FKBP15: variants seen among roughly 807,000 people sequenced by gnomAD.
The protein encoded by FKBP15 is FK506-binding protein 15.
In FKBP15, 106 loss-of-function variants were observed where a neutral mutation model predicts 158.1. The observed-to-expected ratio is 0.67, with a 90% confidence interval of 0.57 to 0.79. The LOEUF is 0.79. FKBP15 is among the 30% of genes least tolerant of loss of function. FKBP15 has a pLI of 0.00. For missense variants in FKBP15, 1,287 were observed against 1,479.1 expected (o/e 0.87, Z 2.13); for synonymous variants, 547 against 548.6 (o/e 1.00, Z 0.04).
At chr9:113,206,174 G>A (rs964159594) in intron 4 of FKBP15, 8 of 269,042 alleles carry the variant, frequency 3.0e-5, no homozygotes, top group African/African-American at 1.8e-4. Context: ...ATATACATAT[G>A]TATGTGTATA....
chr9:113,184,810 C>G lies in FKBP15; in HGVS notation c.1499-6G>C. ...TGAAGCCATATCACCTGATCCTAAA[C>G]AGATACAAGCCAAAAAGAAACTTAT... is the stretch of plus-strand genomic sequence containing the variant. On this transcript the variant is annotated splice_region_variant and splice_polypyrimidine_tract_variant and intron_variant, in intron 15 of 27. Coordinates refer to ENST00000238256, the MANE Select transcript of FKBP15 (RefSeq NM_015258.2). This position sits in a 1 kb window ranked among gnomAD's most constrained non-coding sequence, Gnocchi z 4.5. 1 of 1,582,194 alleles carries G rather than the reference C, an allele frequency of 6.3e-7. No homozygotes were observed. Among genetic ancestry groups the G allele is most frequent in the Non-Finnish European group, 8.6e-7 (1 of 1,162,664 alleles).
chr9:113,190,570 A>C lies in FKBP15; in HGVS notation c.1074T>G (p.Asp358Glu). ...SEQLAINTSPDAVKAKLISRM... is the reference protein window; with the variant it reads ...SEQLAINTSPEAVKAKLISRM... ...GAGAGATCAACTTGGCTTTGACTGC[A>C]TCGGGACTCTAAAAAGAGAGGAAAG... The change falls in exon 12 of 28, where the codon GAT becomes GAG. Residue 358 changes from aspartate (D) to glutamate (E), a missense_variant. Asp to Glu is a conservative substitution (Grantham distance 45). Transcript: ENST00000238256. 6.2e-7 allele frequency: 1 copy of C among 1,608,686 alleles called. No individual in the cohort carries two copies. The highest frequency in any genetic ancestry group is 2.2e-5 in the East Asian group (1 of 44,750).
chr9:113,174,550 C>G lies in FKBP15; in HGVS notation c.2257G>C (p.Glu753Gln). 1 of 1,613,996 alleles carries G rather than the reference C, an allele frequency of 6.2e-7. No individual in the cohort carries two copies. The highest frequency in any genetic ancestry group is 1.1e-5 in the South Asian group (1 of 91,078). Reference protein sequence around the residue: ...LSERKKKSAQERSQAEEEIDE... With the variant: ...LSERKKKSAQQRSQAEEEIDE... ...ATCTCCTCCTCGGCCTGAGAACGCT[C>G]TTGAGCTGACTTCTTTTTCCTTTCT... Residue 753 changes from glutamate (E) to glutamine (Q), a missense_variant, in exon 22 of 28, where the codon GAG becomes CAG. Glu to Gln is a conservative substitution (Grantham distance 29, BLOSUM62 2). Coordinates refer to ENST00000238256, the MANE Select transcript of FKBP15 (RefSeq NM_015258.2).
In FKBP15 at chr9:113,186,560, C is replaced by T. The variant is rs565156859; in HGVS notation, c.1384-197G>A. Reference sequence around the variant, plus strand: ...GTTATCTATGTATCCCAGGGGAAACCAGTCACTAAAATCCTACCCAGAAAC... The same window carrying T: ...GTTATCTATGTATCCCAGGGGAAACTAGTCACTAAAATCCTACCCAGAAAC... On this transcript the variant is annotated intron_variant, in intron 14 of 27. Transcript: ENST00000238256. The T allele has an allele frequency of 4.0e-4, 218 of 541,928 alleles. 6 individuals carry two copies. The South Asian group carries it at 5.3e-3, about 13-fold the overall frequency. The allele number at this position is 541,928 out of a possible 1,614,324, so 33.6% of individuals were successfully genotyped here.
intron 1 of FKBP15, among the ~76,000 whole-genome samples, chr9:113,216,422 C>T (rs1447023944): frequency 6.6e-6 from 1 of 152,220 alleles, no homozygotes; most frequent in East Asian, 1.9e-4. Context: ...TGTAAATAGG[C>T]CAGAAATGCC....
intron 8 of FKBP15, among the ~76,000 whole-genome samples, chr9:113,197,331 A>G (rs934733361): frequency 6.6e-6 from 1 of 152,174 alleles, no homozygotes; most frequent in Non-Finnish European, 1.5e-5. Flanking sequence ...AATGGGAGGA[A>G]TAAAAGAACA....
rs188970785 is a variant in FKBP15, at chr9:113,207,129, A to C, written c.254+83T>G. ...AAGGGCTAAATAACCGTTTTGCAAC[A>C]AACAGAGGTTTTTCGAGAAAAAGTA... On this transcript the variant is annotated intron_variant, in intron 3 of 27. Coordinates refer to ENST00000238256, the MANE Select transcript of FKBP15 (RefSeq NM_015258.2). 1,354 of 1,095,646 alleles carry C rather than the reference A, an allele frequency of 1.2e-3. 11 individuals carry two copies. In the African/African-American group the frequency reaches 0.023, roughly 19 times the overall value. 67.9% of individuals were successfully genotyped at this position (1,095,646 alleles called of 1,614,324 possible). A position where few individuals can be genotyped will look rare whatever the true frequency, so the allele number is the denominator to read the frequency against.
At chr9:113,175,607 TATAA>T (rs1229674723) in intron 21 of FKBP15, among the ~76,000 whole-genome samples, 8 of 152,256 alleles carry the variant, frequency 5.3e-5, no homozygotes, top group South Asian at 2.1e-4. Flanking sequence ...CAAAAGATAC[TATAA>T]ATAAAGTTAA....
Position 113,184,048 on chromosome 9 carries a change from T to C in FKBP15, c.1717-203A>G, listed in dbSNP as rs1830445671. On this transcript the variant is annotated intron_variant, in intron 17 of 27. Transcript: ENST00000238256. This position sits in a 1 kb window ranked among gnomAD's most constrained non-coding sequence, Gnocchi z 4.5. ...CACTAGGTCCAATGGATTGAGTGAA[T>C]AAATGGCTAAAAAAAGAAGTGAAAT... Among the ~76,000 whole-genome samples, 1 of 152,178 alleles carries C rather than the reference T, an allele frequency of 6.6e-6. No homozygotes were observed. The highest frequency in any genetic ancestry group is 2.4e-5 in the African/African-American group (1 of 41,444).
At chr9:113,181,129 A>T (rs1830388158) in intron 19 of FKBP15, among the ~76,000 whole-genome samples, 1 of 152,234 alleles carries the variant, frequency 6.6e-6, no homozygotes, top group South Asian at 2.1e-4. Context: ...TTTGTGTGAA[A>T]CATGGTATCT....
Position 113,169,364 on chromosome 9 carries a change from T to A in FKBP15, c.3345A>T (p.Pro1115=), listed in dbSNP as rs781684581. 6.2e-7 allele frequency: 1 copy of A among 1,614,056 alleles called. No individual in the cohort carries two copies. Among genetic ancestry groups the A allele is most frequent in the East Asian group, 2.2e-5 (1 of 44,878 alleles). ...GDPLALGPES[P]GEPQPPQLKK... ...TGAGCTGTGGAGGCTGAGGCTCTCC[T>A]GGGCTTTCAGGCCCTAAGGCCAGTG... Residue 1115 remains proline, a synonymous_variant, in exon 26 of 28, where the codon CCA becomes CCT. Coordinates refer to ENST00000238256, the MANE Select transcript of FKBP15 (RefSeq NM_015258.2).
At chr9:113,192,989 A>G (rs1830603488) in intron 11 of FKBP15, among the ~76,000 whole-genome samples, 1 of 152,232 alleles carries the variant, frequency 6.6e-6, no homozygotes, top group Non-Finnish European at 1.5e-5. Flanking sequence ...CACGGTGACC[A>G]CTTATTAAAG....
chr9:113,206,118 CTGGATTAT>C (rs767331305), intron 4 of FKBP15: 1 of 173,034 alleles, frequency 5.8e-6, no homozygotes, highest in Non-Finnish European at 1.2e-5. Flanking sequence ...ATTAATGGCA[CTGGATTAT>C]GCACTTAAAA....
At chr9:113,176,215 G>C (rs1830297472) in intron 21 of FKBP15, among the ~76,000 whole-genome samples, 1 of 152,130 alleles carries the variant, frequency 6.6e-6, no homozygotes, top group Admixed American at 6.6e-5. Flanking sequence ...TTCTTATGTA[G>C]TACAAGTCCA....
chr9:113,194,799 A>G (rs896500856), intron 9 of FKBP15, among the ~76,000 whole-genome samples: 4 of 152,212 alleles, frequency 2.6e-5, no homozygotes, highest in Admixed American at 2.6e-4. Flanking sequence ...TCAGCCCTTC[A>G]CTGTTATGAT....
intron 4 of FKBP15, among the ~76,000 whole-genome samples, chr9:113,205,513 T>C (rs568720821): frequency 4.1e-4 from 62 of 152,110 alleles, no homozygotes; most frequent in Non-Finnish European, 7.6e-4. Flanking sequence ...ATAATAATAA[T>C]AACAAAATGC....
intron 4 of FKBP15, 54 bp downstream of exon 4, chr9:113,206,455 C>T (rs1039948839): frequency 2.9e-5 from 42 of 1,425,038 alleles, no homozygotes; most frequent in Non-Finnish European, 3.9e-5. Context: ...AAAGCCAGCT[C>T]ATTGGTATTA....
intron 23 of FKBP15, among the ~76,000 whole-genome samples, chr9:113,173,089 T>A (rs1161395952): frequency 2.6e-5 from 4 of 152,222 alleles, no homozygotes; most frequent in Non-Finnish European, 2.9e-5. Context: ...ACACCTATCT[T>A]TGTTTCTTTG....
At chr9:113,181,037 G>C (rs776845444) in intron 19 of FKBP15, among the ~76,000 whole-genome samples, 1 of 152,156 alleles carries the variant, frequency 6.6e-6, no homozygotes, top group African/African-American at 2.4e-5. Flanking sequence ...GGCTCAAAAA[G>C]TTTCATTGAA....
Sources: allele counts gnomAD v4.1 joint callset (sites outside exome capture counted in the v4.1 genomes callset), GRCh38; gene constraint gnomAD v4.1.1; non-coding constraint Gnocchi (gnomAD v3.1); transcripts MANE v1.5; gene names NCBI Gene and HGNC (gene_info 2026-07-23, HGNC 2026-07-21).